The following AKR1C8 variants were observed in gnomAD, a reference collection of about 807,000 sequenced individuals.
The protein encoded by AKR1C8 is aldo-keto reductase family 1 member C-like protein 1.
chr10:5,183,681 G>T, the AKR1C8 span, among the ~76,000 whole-genome samples: 1 of 152,028 alleles, frequency 6.6e-6, no homozygotes, highest in South Asian at 2.1e-4. Context: ...CCACTCCTGA[G>T]GGTAAAAATG....
the AKR1C8 span, among the ~76,000 whole-genome samples, chr10:5,127,320 A>C: frequency 5.3e-5 from 8 of 152,208 alleles, no homozygotes; most frequent in African/African-American, 1.9e-4. Context: ...CATTTAGGGA[A>C]ATACAAAATG....
chr10:5,166,203 C>T, the AKR1C8 span, among the ~76,000 whole-genome samples: 2 of 151,880 alleles, frequency 1.3e-5, no homozygotes, highest in African/African-American at 4.8e-5. Context: ...AAAAAAATGG[C>T]CATACTGCCC....
At chr10:5,135,318 T>C in the AKR1C8 span, 2 of 158,158 alleles carry the variant, frequency 1.3e-5, no homozygotes, top group Non-Finnish European at 2.8e-5. Flanking sequence ...GGGCAGGCAA[T>C]GCTACACTGC....
the AKR1C8 span, among the ~76,000 whole-genome samples, chr10:5,123,999 C>A: frequency 2.6e-5 from 4 of 151,956 alleles, no homozygotes; most frequent in African/African-American, 9.7e-5. Flanking sequence ...TTGCTGTTTC[C>A]TAAAAGTATA....
chr10:5,162,816 T>C, the AKR1C8 span: 3 of 491,730 alleles, frequency 6.1e-6, no homozygotes, highest in South Asian at 4.7e-5. Flanking sequence ...TCTGAACTTA[T>C]AGTGGCCTCT....
the AKR1C8 span, among the ~76,000 whole-genome samples, chr10:5,180,276 T>C: frequency 2.0e-5 from 3 of 152,304 alleles, no homozygotes; most frequent in Middle Eastern, 3.4e-3. Context: ...GCAGCAGAGA[T>C]TGCAGAACAG....
chr10:5,126,528 T>C, the AKR1C8 span, among the ~76,000 whole-genome samples: 1 of 152,142 alleles, frequency 6.6e-6, no homozygotes, highest in Non-Finnish European at 1.5e-5. Context: ...CATTGGGTAC[T>C]TCATTTATCT....
At chr10:5,177,830 C>T in the AKR1C8 span, among the ~76,000 whole-genome samples, 3 of 152,130 alleles carry the variant, frequency 2.0e-5, no homozygotes, top group East Asian at 5.8e-4. Context: ...GTGATATCCC[C>T]TTTATCATTT....
chr10:5,137,566 C>T, the AKR1C8 span, among the ~76,000 whole-genome samples: 3 of 152,158 alleles, frequency 2.0e-5, no homozygotes, highest in African/African-American at 7.2e-5. Flanking sequence ...ATGCTAAAAA[C>T]TCTCAATAAA....
At chr10:5,130,260 G>T in the AKR1C8 span, among the ~76,000 whole-genome samples, 2 of 151,828 alleles carry the variant, frequency 1.3e-5, no homozygotes, top group Non-Finnish European at 2.9e-5. Context: ...AGACATAAAA[G>T]GGACTTCCCT....
chr10:5,172,832 T>C, the AKR1C8 span, among the ~76,000 whole-genome samples: 3 of 152,198 alleles, frequency 2.0e-5, no homozygotes. Context: ...TTAATAGACA[T>C]TGCACACATA....
the AKR1C8 span, among the ~76,000 whole-genome samples, chr10:5,136,979 T>A: frequency 1.1e-4 from 16 of 152,116 alleles, no homozygotes; most frequent in African/African-American, 3.9e-4. Flanking sequence ...CACAATAAAA[T>A]GAATCACATA....
At chr10:5,155,911 T>G in the AKR1C8 span, among the ~76,000 whole-genome samples, 2 of 152,234 alleles carry the variant, frequency 1.3e-5, no homozygotes, top group South Asian at 4.1e-4. Context: ...TTGAGACGTC[T>G]TCCACCTGAG....
chr10:5,164,661 C>A, the AKR1C8 span, among the ~76,000 whole-genome samples: 2 of 152,152 alleles, frequency 1.3e-5, no homozygotes, highest in African/African-American at 4.8e-5. Context: ...CTGAAGAGGA[C>A]TTCGTCAATG....
At chr10:5,145,319 TG>T in the AKR1C8 span, among the ~76,000 whole-genome samples, 1 of 151,978 alleles carries the variant, frequency 6.6e-6, no homozygotes, top group African/African-American at 2.4e-5. Context: ...CCAAAAGCAA[TG>T]GCAACAAAAG....
At chr10:5,161,830 C>G in the AKR1C8 span, 1 of 534,586 alleles carries the variant, frequency 1.9e-6, no homozygotes, top group South Asian at 1.4e-5. Flanking sequence ...CAGTCTTGGG[C>G]ATAACAAGGA....
chr10:5,125,888 A>G, the AKR1C8 span, among the ~76,000 whole-genome samples: 2 of 152,214 alleles, frequency 1.3e-5, no homozygotes, highest in African/African-American at 4.8e-5. Flanking sequence ...CTGGGTGGCT[A>G]GACCCAGAAG....
the AKR1C8 span, among the ~76,000 whole-genome samples, chr10:5,139,786 C>A: frequency 1.3e-5 from 2 of 151,858 alleles, no homozygotes; most frequent in African/African-American, 4.8e-5. Flanking sequence ...GCAACAAAAG[C>A]CAAAATAGAC....
chr10:5,155,973 G>C, the AKR1C8 span, among the ~76,000 whole-genome samples: 1 of 151,778 alleles, frequency 6.6e-6, no homozygotes, highest in Non-Finnish European at 1.5e-5. Flanking sequence ...TCTCCTACTG[G>C]GCTCCACTTC....
Sources: allele counts gnomAD v4.1 joint callset (sites outside exome capture counted in the v4.1 genomes callset), GRCh38; gene constraint gnomAD v4.1.1; transcripts MANE v1.5; gene names NCBI Gene and HGNC (gene_info 2026-07-23, HGNC 2026-07-21).